The following SAXO1 variants were observed in gnomAD, a reference collection of about 807,000 sequenced individuals.
SAXO1 encodes the protein stabilizer of axonemal microtubules 1.
SAXO1 carries 21 observed loss-of-function variants against 17.5 expected under a neutral mutation model. The ratio of observed to expected loss-of-function variants is 1.20; its 90% CI spans 0.85 to 1.72. The LOEUF (loss-of-function observed/expected upper bound fraction) is 1.72, where lower values mean the gene tolerates loss of function less well. Among genes scored for constraint, SAXO1 ranks in the 40% most tolerant of loss-of-function variants. The pLI, the probability that SAXO1 is intolerant of heterozygous loss-of-function variation, is 0.00. For synonymous variants in SAXO1, 274 were observed against 216.5 expected, an observed-to-expected ratio of 1.27 and a Z score of -2.33; for missense variants, 843 against 596.0, an observed-to-expected ratio of 1.41 and a Z score of -4.32.
At chr9:18,943,305 C>G (rs1214448900) in intron 2 of SAXO1, among the ~76,000 whole-genome samples, 2 of 152,196 alleles carry the variant, frequency 1.3e-5, no homozygotes, top group African/African-American at 2.4e-5. Context: ...AGCCTGGGCT[C>G]CCTTCCTAGG....
At chr9:18,983,961 G>C (rs1311794117) in intron 1 of SAXO1, among the ~76,000 whole-genome samples, 1 of 152,158 alleles carries the variant, frequency 6.6e-6, no homozygotes, top group Admixed American at 6.5e-5. Flanking sequence ...TTAAAAATAA[G>C]ACTTGAAAAT....
intron 1 of SAXO1, chr9:19,027,469 G>A (rs1221132065): frequency 3.8e-6 from 3 of 783,044 alleles, no homozygotes; most frequent in Admixed American, 1.8e-5. Context: ...GAACCACAAG[G>A]AGAAGTTTGA....
chr9:18,958,942 A>G (rs1297649228), intron 1 of SAXO1, among the ~76,000 whole-genome samples: 1 of 152,192 alleles, frequency 6.6e-6, no homozygotes, highest in Non-Finnish European at 1.5e-5. Flanking sequence ...TGGGGGAAAA[A>G]CTGACAAAAA....
chr9:18,960,317 A>G (rs1832432648), intron 1 of SAXO1, among the ~76,000 whole-genome samples: 1 of 152,146 alleles, frequency 6.6e-6, no homozygotes. Context: ...TGGAGAGCCA[A>G]TCCTCTGGGG....
intron 1 of SAXO1, among the ~76,000 whole-genome samples, chr9:18,969,405 A>G (rs1832861641): frequency 6.6e-6 from 1 of 152,204 alleles, no homozygotes. Context: ...ATGAAACCCA[A>G]CAGCTGTGCT....
At chr9:18,929,150 T>C (rs1830925709) in intron 3 of SAXO1, 95 bp from the exon 4 acceptor site, 2 of 1,363,150 alleles carry the variant, frequency 1.5e-6, no homozygotes, top group Non-Finnish European at 9.9e-7. Context: ...CAGTCTCCGA[T>C]GAAGTGTTCT....
intron 1 of SAXO1, among the ~76,000 whole-genome samples, chr9:18,980,693 C>A (rs1833347507): frequency 7.7e-6 from 1 of 130,358 alleles, no homozygotes; most frequent in Non-Finnish European, 1.6e-5. Flanking sequence ...TGGCAAGTCA[C>A]AAAATTTTTA....
chr9:19,009,687 A>T (rs1392741643), intron 1 of SAXO1, among the ~76,000 whole-genome samples: 1 of 152,100 alleles, frequency 6.6e-6, no homozygotes, highest in African/African-American at 2.4e-5. Context: ...CTGCCTACTA[A>T]AACAGCTGTG....
intron 1 of SAXO1, among the ~76,000 whole-genome samples, chr9:19,022,313 AG>A (rs1835274281): frequency 6.6e-6 from 1 of 152,244 alleles, no homozygotes; most frequent in South Asian, 2.1e-4. Flanking sequence ...ACCATCTGTA[AG>A]AACTGTAACA....
chr9:19,001,188 A>G (rs751930155), intron 1 of SAXO1, among the ~76,000 whole-genome samples: 6 of 152,224 alleles, frequency 3.9e-5, no homozygotes, highest in Non-Finnish European at 8.8e-5. Context: ...ACATAGTTGG[A>G]AGTAAAGCAC....
intron 1 of SAXO1, among the ~76,000 whole-genome samples, chr9:18,994,953 C>T (rs184570975): frequency 1.1e-4 from 16 of 152,280 alleles, no homozygotes; most frequent in African/African-American, 3.4e-4. Flanking sequence ...AGAAAAGCTC[C>T]TTGTGCAATG....
At chr9:18,986,333 T>C (rs1461460912) in intron 1 of SAXO1, among the ~76,000 whole-genome samples, 2 of 152,244 alleles carry the variant, frequency 1.3e-5, no homozygotes, top group Non-Finnish European at 2.9e-5. Context: ...GGGCAGGAAT[T>C]TATCACCCTT....
At chr9:18,952,276 C>G (rs1315548239) in intron 1 of SAXO1, among the ~76,000 whole-genome samples, 1 of 152,108 alleles carries the variant, frequency 6.6e-6, no homozygotes, top group Non-Finnish European at 1.5e-5. Flanking sequence ...CATTGTTTTC[C>G]CATTTTCACA....
chr9:18,929,976 G>A (rs753417484), intron 3 of SAXO1, among the ~76,000 whole-genome samples: 1 of 152,240 alleles, frequency 6.6e-6, no homozygotes, highest in Non-Finnish European at 1.5e-5. Flanking sequence ...TGATGGGTAT[G>A]ATTCTCTCCA....
intron 1 of SAXO1, among the ~76,000 whole-genome samples, chr9:18,968,242 CTCA>C (rs1832806882): frequency 6.6e-6 from 1 of 152,170 alleles, no homozygotes; most frequent in African/African-American, 2.4e-5. Context: ...ATGAGGTTTC[CTCA>C]TGTTGGCCAG....
chr9:18,953,813 C>A (rs1227293129), intron 1 of SAXO1, among the ~76,000 whole-genome samples: 2 of 152,164 alleles, frequency 1.3e-5, no homozygotes, highest in South Asian at 4.2e-4. Context: ...AGAGGATGAT[C>A]TGCTAAAAGA....
rs1207540493 is a variant in SAXO1, at chr9:19,017,245, G to C, written c.38+15626C>G. Among the ~76,000 whole-genome samples, 3 of 152,218 alleles carry C rather than the reference G, an allele frequency of 2.0e-5. No individual in the cohort carries two copies. In the East Asian group the frequency reaches 5.8e-4, roughly 29 times the overall value. Reference sequence around the variant, plus strand: ...CTGGAGTGACACTGGAGAATACAAGGGGAGGGACAAGAATTGAAAACCTAC... The same window carrying C: ...CTGGAGTGACACTGGAGAATACAAGCGGAGGGACAAGAATTGAAAACCTAC... On this transcript the variant is annotated intron_variant, in intron 1 of 3. Transcript: ENST00000380534.
rs138552928 is a variant in SAXO1 at position 18,928,630 on chromosome 9, T to A, written c.847A>T (p.Met283Leu). The A allele has an allele frequency of 6.2e-7, 1 of 1,614,126 alleles. No individual in the cohort carries two copies. Among genetic ancestry groups the A allele is most frequent in the Non-Finnish European group, 8.5e-7 (1 of 1,180,024 alleles). The change falls in exon 4 of 4, where the codon ATG becomes TTG. Residue 283 changes from methionine to leucine, a missense_variant. Physicochemically the swap from Met to Leu is conservative, Grantham distance 15. Coordinates refer to ENST00000380534, the MANE Select transcript of SAXO1 (RefSeq NM_153707.4). ...EFRDKYQAWPMPRMFSKAPIT... is the reference protein window; with the variant it reads ...EFRDKYQAWPLPRMFSKAPIT... ...GGAGCTTTGGAGAACATCCGGGGCATTGGCCAAGCTTGGTACTTATCTCGA... is the reference window on the plus strand; with the variant it reads ...GGAGCTTTGGAGAACATCCGGGGCAATGGCCAAGCTTGGTACTTATCTCGA...
At chr9:19,031,930 T>A (rs1045962627) in intron 1 of SAXO1, among the ~76,000 whole-genome samples, 1 of 152,238 alleles carries the variant, frequency 6.6e-6, no homozygotes, top group African/African-American at 2.4e-5. Flanking sequence ...TTTATATGCA[T>A]GTGTCATATT....
Sources: gnomAD v4.1 joint callset for allele counts (sites outside exome capture counted in the v4.1 genomes callset) on GRCh38, gnomAD v4.1.1 for gene constraint, MANE v1.5 for transcripts, NCBI Gene and HGNC (gene_info 2026-07-23, HGNC 2026-07-21) for gene names.